The following GPR63 variants were observed in gnomAD, a reference collection of about 807,000 sequenced individuals.
GPR63 encodes G protein-coupled receptor 63.
In GPR63, 12 loss-of-function variants were observed where a neutral mutation model predicts 23.1. That is an observed-to-expected ratio of 0.52 (90% confidence interval 0.33 to 0.84). GPR63 has a LOEUF of 0.84. Ranked by LOEUF, GPR63 falls within the 40% of genes least tolerant of loss-of-function variation. The pLI is 0.02. For missense variants in GPR63, 472 were observed against 515.6 expected (o/e 0.92, Z 0.82); for synonymous variants, 172 against 191.1 (o/e 0.90, Z 0.82).
chr6:96,829,779 G>T lies in GPR63; in HGVS notation c.-151+7489C>A, dbSNP rs1251228466. Among the ~76,000 whole-genome samples, 3 of 151,780 alleles carry T rather than the reference G, an allele frequency of 2.0e-5. 1 individual carries two copies. Among genetic ancestry groups the T allele is most frequent in the Non-Finnish European group, 4.4e-5 (3 of 67,950 alleles). On this transcript the variant is annotated intron_variant, in intron 1 of 1. Transcript: ENST00000229955. ...ATTCGAGATTTACACTCTGAACAAAGCAAGACTCACAACTGAGCTAAGCAC... is the reference window on the plus strand; with the variant it reads ...ATTCGAGATTTACACTCTGAACAAATCAAGACTCACAACTGAGCTAAGCAC...
At chr6:96,803,091 C>T (rs1178241373) in intron 1 of GPR63, among the ~76,000 whole-genome samples, 1 of 152,170 alleles carries the variant, frequency 6.6e-6, no homozygotes, top group Non-Finnish European at 1.5e-5. Flanking sequence ...GCACCACACT[C>T]GAAAATATTA....
chr6:96,830,127 C>T (rs867622749), intron 1 of GPR63, among the ~76,000 whole-genome samples: 3 of 152,104 alleles, frequency 2.0e-5, no homozygotes, highest in Non-Finnish European at 4.4e-5. Flanking sequence ...GTTGATAAAG[C>T]AAGAGTTGCC....
chr6:96,832,309 G>A (rs920750593), intron 1 of GPR63, among the ~76,000 whole-genome samples: 5 of 151,748 alleles, frequency 3.3e-5, no homozygotes, highest in Non-Finnish European at 5.9e-5. Flanking sequence ...CTGTTGTCCT[G>A]GCTGGAGTGC....
rs1463497943 is a variant in GPR63 at position 96,797,921 on chromosome 6, G to GA, written c.*550dup. The GA allele has an allele frequency of 1.3e-5, 2 of 152,258 alleles. No individual in the cohort carries two copies. Among genetic ancestry groups the GA allele is most frequent in the African/African-American group, 4.8e-5 (2 of 41,408 alleles). The allele number at this position is 152,258 out of a possible 1,614,324, so 9.4% of individuals were successfully genotyped here. Reference sequence around the variant, plus strand: ...GTATAAAAACAATTCTGAAAAATAAGACTGAATTAATTTGTACATTATCTC... The same window carrying GA: ...GTATAAAAACAATTCTGAAAAATAAGAACTGAATTAATTTGTACATTATCTC... On this transcript the variant is annotated 3_prime_UTR_variant, in exon 2 of 2. Coordinates refer to ENST00000229955, the MANE Select transcript of GPR63 (RefSeq NM_030784.4).
chr6:96,833,771 A>C (rs1370786252), intron 1 of GPR63, among the ~76,000 whole-genome samples: 5 of 152,230 alleles, frequency 3.3e-5, no homozygotes. Flanking sequence ...AAATGATCTA[A>C]GAATCAATTA....
rs1773529191 is a variant in GPR63, at chr6:96,794,402, C to T, written c.*4070G>A. 1 of 152,104 alleles carries T rather than the reference C, an allele frequency of 6.6e-6. No homozygotes were observed. The highest frequency in any genetic ancestry group is 2.1e-4 in the South Asian group (1 of 4,820). 9.4% of individuals were successfully genotyped at this position (152,104 alleles called of 1,614,324 possible). A position where few individuals can be genotyped will look rare whatever the true frequency, so the allele number is the denominator to read the frequency against. ...ATAAAAACTGAGTTTTCAATGAAGGCAGTTTAGCAGGACTATAGTTGTGAA... is the reference window on the plus strand; with the variant it reads ...ATAAAAACTGAGTTTTCAATGAAGGTAGTTTAGCAGGACTATAGTTGTGAA... On this transcript the variant is annotated 3_prime_UTR_variant, in exon 2 of 2. Transcript: ENST00000229955.
chr6:96,796,688 G>C lies in GPR63; in HGVS notation c.*1784C>G, dbSNP rs1773587025. ...GAGCACGTTCACAAACTCCAGCTCTGCTAGGGCAAGCATTGGGGCAACAAT... is the reference window on the plus strand; with the variant it reads ...GAGCACGTTCACAAACTCCAGCTCTCCTAGGGCAAGCATTGGGGCAACAAT... On this transcript the variant is annotated 3_prime_UTR_variant, in exon 2 of 2. Transcript: ENST00000229955. 6.6e-6 allele frequency: 1 copy of C among 152,202 alleles called. No homozygotes were observed. 9.4% of individuals were successfully genotyped at this position (152,202 alleles called of 1,614,324 possible).
chr6:96,819,228 A>C (rs1027010483), intron 1 of GPR63, among the ~76,000 whole-genome samples: 3 of 152,250 alleles, frequency 2.0e-5, no homozygotes, highest in African/African-American at 7.2e-5. Flanking sequence ...ACATATGTTT[A>C]CTGCAGCACT....
Position 96,796,830 on chromosome 6 carries a change from T to C in GPR63, c.*1642A>G, listed in dbSNP as rs1189057755. On this transcript the variant is annotated 3_prime_UTR_variant, in exon 2 of 2. Transcript: ENST00000229955. Reference sequence around the variant, plus strand: ...AATTTCTCAATAATTGTCAGTCACTTGTTTTGCAAATCAAAAACAAAAAAA... The same window carrying C: ...AATTTCTCAATAATTGTCAGTCACTCGTTTTGCAAATCAAAAACAAAAAAA... The C allele has an allele frequency of 6.6e-6, 1 of 150,626 alleles. No individual in the cohort carries two copies. The highest frequency in any genetic ancestry group is 1.5e-5 in the Non-Finnish European group (1 of 68,014). The allele number at this position is 150,626 out of a possible 1,614,324, so 9.3% of individuals were successfully genotyped here. A position where few individuals can be genotyped will look rare whatever the true frequency, so the allele number is the denominator to read the frequency against.
At chr6:96,826,692 A>C (rs1269859669) in intron 1 of GPR63, among the ~76,000 whole-genome samples, 1 of 152,150 alleles carries the variant, frequency 6.6e-6, no homozygotes, top group Non-Finnish European at 1.5e-5. Flanking sequence ...TATTTGTCAG[A>C]AGACCTCAAT....
chr6:96,829,150 C>T (rs1337702095), intron 1 of GPR63, among the ~76,000 whole-genome samples: 4 of 152,138 alleles, frequency 2.6e-5, no homozygotes, highest in Admixed American at 2.0e-4. Context: ...CTTATAGATA[C>T]ACATGAAACT....
chr6:96,824,159 T>C (rs1048885067), intron 1 of GPR63, among the ~76,000 whole-genome samples: 1 of 151,830 alleles, frequency 6.6e-6, no homozygotes, highest in Non-Finnish European at 1.5e-5. Flanking sequence ...AGGCAAAGAG[T>C]GGGAAAGAAT....
chr6:96,817,803 G>T (rs1774201697), intron 1 of GPR63, among the ~76,000 whole-genome samples: 1 of 151,776 alleles, frequency 6.6e-6, no homozygotes, highest in African/African-American at 2.4e-5. Context: ...ATCTATGTTA[G>T]TAGTTTATTG....
In GPR63 at chr6:96,819,276, C is replaced by T. The variant is rs554964337; in HGVS notation, c.-151+17992G>A. On this transcript the variant is annotated intron_variant, in intron 1 of 1. Coordinates refer to ENST00000229955, the MANE Select transcript of GPR63 (RefSeq NM_030784.4). ...AAAGACTTGGAACCAAACCAAATGC[C>T]CATCAATGATAGACTAGATAAAGAA... Among the ~76,000 whole-genome samples, 81 of 152,250 alleles carry T rather than the reference C, an allele frequency of 5.3e-4. 2 individuals are homozygous for T. Among genetic ancestry groups the T allele is most frequent in the Admixed American group, 3.5e-3 (53 of 15,282 alleles).
intron 1 of GPR63, among the ~76,000 whole-genome samples, chr6:96,805,861 C>T (rs1332915541): frequency 6.6e-6 from 1 of 152,182 alleles, no homozygotes; most frequent in Non-Finnish European, 1.5e-5. Flanking sequence ...TTCAAGTTGT[C>T]TCTTTGGCTT....
intron 1 of GPR63, among the ~76,000 whole-genome samples, chr6:96,822,109 G>A (rs187460342): frequency 6.6e-6 from 1 of 151,804 alleles, no homozygotes; most frequent in African/African-American, 2.4e-5. Context: ...CTATGTAAAT[G>A]TAATGCATTA....
chr6:96,821,770 A>C (rs1774319044), intron 1 of GPR63, among the ~76,000 whole-genome samples: 1 of 152,224 alleles, frequency 6.6e-6, no homozygotes, highest in African/African-American at 2.4e-5. Flanking sequence ...ACTAAAAACA[A>C]GTGAAAGACA....
At position 96,798,795 on chromosome 6, in the gene GPR63, A is replaced by C; in HGVS notation, c.937T>G (p.Phe313Val). The change falls in exon 2 of 2, where the codon TTC becomes GTC. Residue 313 changes from phenylalanine to valine, a missense_variant. Transcript: ENST00000229955. ...SIDMGFKTRA[F>V]TTILILFAVF... is the part of the protein sequence containing the mutation. ...GCAAAGAGAATCAAAATAGTGGTGA[A>C]GGCACGTGTTTTAAAGCCCATGTCA... The C allele has an allele frequency of 6.2e-7, 1 of 1,614,204 alleles. No homozygotes were observed. The highest frequency in any genetic ancestry group is 8.5e-7 in the Non-Finnish European group (1 of 1,180,044).
At chr6:96,828,595 T>G (rs1582277548) in intron 1 of GPR63, among the ~76,000 whole-genome samples, 2 of 142,900 alleles carry the variant, frequency 1.4e-5, no homozygotes, top group African/African-American at 2.6e-5. Flanking sequence ...GGGCAGAGGG[T>G]CAGTCTATCC....
Sources: allele counts gnomAD v4.1 joint callset (sites outside exome capture counted in the v4.1 genomes callset), GRCh38; gene constraint gnomAD v4.1.1; transcripts MANE v1.5; gene names NCBI Gene and HGNC (gene_info 2026-07-23, HGNC 2026-07-21).